Variants in CDC25B observed in about 807,000 individuals in gnomAD.
CDC25B encodes the protein M-phase inducer phosphatase 2.
A neutral mutation model predicts 69.8 loss-of-function variants in CDC25B; 33 were observed. That is an observed-to-expected ratio of 0.47 (90% CI 0.36 to 0.63). The LOEUF (loss-of-function observed/expected upper bound fraction) is 0.63, where lower values mean the gene tolerates loss of function less well. CDC25B is among the 30% of genes least tolerant of loss of function. CDC25B has a pLI of 0.00. For synonymous variants in CDC25B, 341 were observed against 314.6 expected, an observed-to-expected ratio of 1.08 and a Z score of -0.89; for missense variants, 727 against 809.1, an observed-to-expected ratio of 0.90 and a Z score of 1.23.
In CDC25B at chr20:3,803,807, CT is replaced by C. The variant is rs112599768; in HGVS notation, c.1490+274del. Among the ~76,000 whole-genome samples the C allele has an allele frequency of 0.025, 3,805 of 152,302 alleles. 179 individuals carry two copies. Among genetic ancestry groups the C allele is most frequent in the African/African-American group, 0.087 (3,607 of 41,532 alleles). On this transcript the variant is annotated intron_variant, in intron 14 of 15. Coordinates refer to ENST00000245960, the MANE Select transcript of CDC25B (RefSeq NM_021873.4). The surrounding 1 kb of genome is among the most constrained non-coding windows in gnomAD (Gnocchi z 4.9). ...TTTAGTTCCAAGTCTCTAGCGGTGT[CT>C]TTTCTCGAAATCTAAGGGCCGCGTG...
At chr20:3,792,782 G>C (rs953291990), upstream of CDC25B, among the ~76,000 whole-genome samples, 3 of 152,076 alleles carry the variant, frequency 2.0e-5, no homozygotes, top group African/African-American at 7.2e-5. Context: ...TTGGATTATA[G>C]GCAGGGGCCA....
At chr20:3,800,900 G>A (rs1332866305) in intron 6 of CDC25B, 35 bp downstream of exon 6, 8 of 1,612,558 alleles carry the variant, frequency 5.0e-6, no homozygotes, top group Middle Eastern at 1.6e-4. Context: ...GGAGCTCTCC[G>A]GGAAGAGGAG....
rs368922818 is a variant in CDC25B, at chr20:3,798,407, C to T, written c.329-5C>T. On this transcript the variant is annotated splice_polypyrimidine_tract_variant and splice_region_variant and intron_variant, in intron 2 of 15. Coordinates refer to ENST00000245960, the MANE Select transcript of CDC25B (RefSeq NM_021873.4). The stretch of plus-strand genomic sequence containing the variant: ...CTTTCAAACCAAGGTGCTCTGTCCC[C>T]TCAGGTCTCTGCATGGATTCCCCCA... The T allele has an allele frequency of 2.8e-5, 43 of 1,553,786 alleles. No homozygotes were observed. Among genetic ancestry groups the T allele is most frequent in the African/African-American group, 2.0e-4 (14 of 71,786 alleles).
rs1325386712 is a variant in CDC25B at position 3,801,293 on chromosome 20, A to C, written c.745A>C (p.Ser249Arg). Residue 249 changes from serine to arginine, a missense_variant, in exon 8 of 16, where the codon AGC becomes CGC. Ser to Arg is a moderately radical substitution (Grantham distance 110). Coordinates refer to ENST00000245960, the MANE Select transcript of CDC25B (RefSeq NM_021873.4). ...PDRKMEVEEL[S>R]PLALGRFSLT... is the part of the protein sequence containing the mutation. ...CCGGAAGATGGAAGTGGAGGAGCTC[A>C]GCCCCCTGGCCCTAGGTCGCTTCTC... 6.2e-7 allele frequency: 1 copy of C among 1,614,116 alleles called. No homozygotes were observed. Among genetic ancestry groups the C allele is most frequent in the Admixed American group, 1.7e-5 (1 of 60,002 alleles).
rs1433251856 is a variant in CDC25B, at chr20:3,805,297, T to TTG, written c.*346_*347dup. The TTG allele has an allele frequency of 2.9e-5, 10 of 344,464 alleles. No homozygotes were observed. The Admixed American group carries it at 4.1e-4, about 14-fold the overall frequency. 21.3% of individuals were successfully genotyped at this position (344,464 alleles called of 1,614,324 possible). A position where few individuals can be genotyped will look rare whatever the true frequency, so the allele number is the denominator to read the frequency against. ...TCTTCCTGTGTCCTGAAACGCTCCTTTGTGTGTGTGTCAGCTGAGGCTGGG... is the reference window on the plus strand; with the variant it reads ...TCTTCCTGTGTCCTGAAACGCTCCTTTGTGTGTGTGTGTCAGCTGAGGCTGGG... On this transcript the variant is annotated 3_prime_UTR_variant, in exon 16 of 16. Transcript: ENST00000245960.
chr20:3,793,583 AT>A (rs2088951806), upstream of CDC25B, among the ~76,000 whole-genome samples: 1 of 130,636 alleles, frequency 7.7e-6, no homozygotes. Flanking sequence ...ATTTTATTTT[AT>A]TTTATTTTAT....
In CDC25B at chr20:3,796,425, C is replaced by CA. The variant is rs1194573844; in HGVS notation, c.-107_-106insA. 7 of 193,060 alleles carry CA rather than the reference C, an allele frequency of 3.6e-5. No homozygotes were observed. Among genetic ancestry groups the CA allele is most frequent in the African/African-American group, 8.7e-5 (3 of 34,462 alleles). 12.0% of individuals were successfully genotyped at this position (193,060 alleles called of 1,614,324 possible). ...TCTTCCTCCCTCCCTCCTTCCCCCCCCCCCCACCCCTCGCCCGCTGCCTCC... is the reference window on the plus strand; with the variant it reads ...TCTTCCTCCCTCCCTCCTTCCCCCCCACCCCCACCCCTCGCCCGCTGCCTCC... On this transcript the variant is annotated 5_prime_UTR_variant, in exon 1 of 16. Transcript: ENST00000245960.
upstream of CDC25B, among the ~76,000 whole-genome samples, chr20:3,795,167 C>T (rs2088993144): frequency 6.6e-6 from 1 of 152,128 alleles, no homozygotes; most frequent in Non-Finnish European, 1.5e-5. Context: ...CGAGACCAGC[C>T]TGGCCAATAT....
rs1278300660 is a variant in CDC25B at position 3,796,366 on chromosome 20, C to T, written c.-166C>T. 5.5e-6 allele frequency: 7 copies of T among 1,267,660 alleles called. No individual in the cohort carries two copies. Among genetic ancestry groups the T allele is most frequent in the Non-Finnish European group, 7.0e-6 (7 of 1,002,386 alleles). The allele number at this position is 1,267,660 out of a possible 1,614,324, so 78.5% of individuals were successfully genotyped here. On this transcript the variant is annotated 5_prime_UTR_variant, in exon 1 of 16. Coordinates refer to ENST00000245960, the MANE Select transcript of CDC25B (RefSeq NM_021873.4). ...CGTCCCTCGCCCCCCGCCCTCCCCG[C>T]ATCCCTCTCCTCCCTCGCGCCTGGC...
chr20:3,791,660 T>G (rs573433738), upstream of CDC25B, among the ~76,000 whole-genome samples: 1 of 152,198 alleles, frequency 6.6e-6, no homozygotes, highest in East Asian at 1.9e-4. Context: ...CCAGCCTGGG[T>G]GACGGAGAGA....
chr20:3,805,189 T>G lies in CDC25B; in HGVS notation c.*228T>G, dbSNP rs544315793. 1.7e-6 allele frequency: 1 copy of G among 571,732 alleles called. No homozygotes were observed. The highest frequency in any genetic ancestry group is 2.9e-5 in the East Asian group (1 of 34,808). The allele number at this position is 571,732 out of a possible 1,614,324, so 35.4% of individuals were successfully genotyped here. ...GGAAGAGCCCAGTCTGTTGAGTTAGTTAAGTTGGGTTAATACCAGCTTAAA... is the reference window on the plus strand; with the variant it reads ...GGAAGAGCCCAGTCTGTTGAGTTAGGTAAGTTGGGTTAATACCAGCTTAAA... On this transcript the variant is annotated 3_prime_UTR_variant, in exon 16 of 16. Transcript: ENST00000245960.
chr20:3,800,316 C>T lies in CDC25B; in HGVS notation c.409C>T (p.Arg137Trp), dbSNP rs137919521. The stretch of plus-strand genomic sequence containing the variant: ...TGAACAGGCCATCCAGGCAGCCAGC[C>T]GGATCATTCGAAAGTAAGTGTTCCT... ...TFEQAIQAAS[R>W]IIRNEQFAIR... The change falls in exon 4 of 16, where the codon CGG (arginine) becomes TGG (tryptophan). Residue 137 changes from arginine (R) to tryptophan (W), a missense_variant. By Grantham distance (101) the Arg-to-Trp change is moderately radical. Transcript: ENST00000245960. The T allele has an allele frequency of 1.2e-4, 188 of 1,613,994 alleles. 2 individuals are homozygous for T. The highest frequency in any genetic ancestry group is 1.5e-4 in the Non-Finnish European group (175 of 1,180,000).
intron 1 of CDC25B, among the ~76,000 whole-genome samples, chr20:3,788,717 T>C (rs946639952): frequency 6.6e-6 from 1 of 152,144 alleles, no homozygotes; most frequent in Non-Finnish European, 1.5e-5. Flanking sequence ...ATCTTTTCTT[T>C]CTTTCCTCTC....
Position 3,797,653 on chromosome 20 carries a change from C to T in CDC25B, c.232C>T (p.Leu78Phe). ...CCCAAAGAGTCAGGTAGGGACCCTGCTCTTCCGCAGCCGCAGCCGCCTGAC... is the reference window on the plus strand; with the variant it reads ...CCCAAAGAGTCAGGTAGGGACCCTGTTCTTCCGCAGCCGCAGCCGCCTGAC... ...ETPKSQVGTL[L>F]FRSRSRLTHL... Residue 78 changes from leucine to phenylalanine, a missense_variant, in exon 2 of 16, where the codon CTC becomes TTC. Physicochemically the swap from Leu to Phe is conservative, Grantham distance 22. Transcript: ENST00000245960. 1.2e-6 allele frequency: 2 copies of T among 1,614,180 alleles called. No homozygotes were observed. The highest frequency in any genetic ancestry group is 1.6e-4 in the Middle Eastern group (1 of 6,062).
At chr20:3,791,958 G>A (rs2088921756), upstream of CDC25B, among the ~76,000 whole-genome samples, 2 of 152,254 alleles carry the variant, frequency 1.3e-5, no homozygotes, top group Admixed American at 1.3e-4. Context: ...TTGTCACCCA[G>A]GCTGGAGTGC....
At chr20:3,804,386 C>T (rs886382437) in intron 14 of CDC25B, among the ~76,000 whole-genome samples, 183 bp from the exon 15 acceptor site, 2 of 152,170 alleles carry the variant, frequency 1.3e-5, no homozygotes, top group Admixed American at 6.5e-5. Context: ...TCCTTCCTTC[C>T]GCCTCCCCAC....
Position 3,800,681 on chromosome 20 carries a change from G to C in CDC25B, c.460-62G>C, listed in dbSNP as rs532926530. 385 of 1,600,078 alleles carry C rather than the reference G, an allele frequency of 2.4e-4. No homozygotes were observed. In the African/African-American group the frequency reaches 4.4e-3, roughly 18 times the overall value. On this transcript the variant is annotated intron_variant, in intron 5 of 15. Coordinates refer to ENST00000245960, the MANE Select transcript of CDC25B (RefSeq NM_021873.4). ...AGGAGAGGTGGAGAAGGTAGGGCCTGGGCTCGTGCCGGAGGAATGCAGCCT... is the reference window on the plus strand; with the variant it reads ...AGGAGAGGTGGAGAAGGTAGGGCCTCGGCTCGTGCCGGAGGAATGCAGCCT...
chr20:3,795,629 G>C (rs1370411864), upstream of CDC25B: 2 of 833,258 alleles, frequency 2.4e-6, no homozygotes, highest in Non-Finnish European at 2.9e-6. Context: ...AATTGGGCCG[G>C]TTGGGGTAAC....
At position 3,804,929 on chromosome 20, in the gene CDC25B, C is replaced by T. The variant is rs762747082; in HGVS notation, c.1711C>T (p.Arg571Trp). ...CAGCTGGGCTGGGGAGCGGAGCCGG[C>T]GGGAGCTCTGTAGCCGGCTGCAGGA... Reference protein sequence around the residue: ...TRSWAGERSRRELCSRLQDQ With the variant: ...TRSWAGERSRWELCSRLQDQ The change falls in exon 16 of 16, where the codon CGG becomes TGG. Residue 571 changes from arginine (R) to tryptophan (W), a missense_variant. Physicochemically the swap from Arg to Trp is moderately radical, Grantham distance 101. Transcript: ENST00000245960. 25 of 1,613,368 alleles carry T rather than the reference C, an allele frequency of 1.5e-5. No homozygotes were observed. Among genetic ancestry groups the T allele is most frequent in the African/African-American group, 5.3e-5 (4 of 74,934 alleles).
Sources: allele counts gnomAD v4.1 joint callset (sites outside exome capture counted in the v4.1 genomes callset), GRCh38; gene constraint gnomAD v4.1.1; non-coding constraint Gnocchi (gnomAD v3.1); transcripts MANE v1.5; gene names NCBI Gene and HGNC (gene_info 2026-07-23, HGNC 2026-07-21).